Variants in MATK observed in about 807,000 individuals in gnomAD.
The protein encoded by MATK is megakaryocyte-associated tyrosine kinase.
In MATK, 41 loss-of-function variants were observed where a neutral mutation model predicts 59.8. That is an observed-to-expected ratio of 0.69 (90% CI 0.53 to 0.89). The LOEUF (loss-of-function observed/expected upper bound fraction) is 0.89. Ranked by LOEUF, MATK falls within the 40% of genes least tolerant of loss-of-function variation. The pLI is 0.00. For synonymous variants in MATK, 308 were observed against 306.1 expected (o/e 1.01, Z -0.06); for missense variants, 593 against 719.6 (o/e 0.82, Z 2.01).
Position 3,783,966 on chromosome 19 carries a change from A to G in MATK, c.430T>C (p.Phe144Leu). Residue 144 changes from phenylalanine (F) to leucine (L), a missense_variant, in exon 6 of 14, where the codon TTC becomes CTC. By Grantham distance (22) the Phe-to-Leu change is conservative. Transcript: ENST00000310132. ...QQLQPPEDGL[F>L]LVRESARHPG... Reference sequence around the variant, plus strand: ...TGGCGCGCGGACTCCCGCACCAGGAACAGCCCATCCTCGGGAGGCTGCAGC... The same window carrying G: ...TGGCGCGCGGACTCCCGCACCAGGAGCAGCCCATCCTCGGGAGGCTGCAGC... 1 of 1,612,360 alleles carries G rather than the reference A, an allele frequency of 6.2e-7. No homozygotes were observed.
intron 1 of MATK, among the ~76,000 whole-genome samples, chr19:3,792,103 T>C (rs2145112159): frequency 2.4e-5 from 1 of 42,092 alleles, no homozygotes. Context: ...TGAGACTCCA[T>C]CTTAAAAAAA....
At position 3,784,309 on chromosome 19, in the gene MATK, A is replaced by G; in HGVS notation, c.246+29T>C. 1.9e-6 allele frequency: 3 copies of G among 1,593,190 alleles called. No individual in the cohort carries two copies. In the Admixed American group the frequency reaches 5.1e-5, roughly 27 times the overall value. ...GGTCCTGGTGGAGCCCCCAGCCCCA[A>G]GCACCCACACCCGCCGGCCACCTCT... On this transcript the variant is annotated intron_variant, in intron 4 of 13. Transcript: ENST00000310132.
At chr19:3,783,009 G>A (rs2037422161) in intron 7 of MATK, 117 bp downstream of exon 7, 4 of 868,750 alleles carry the variant, frequency 4.6e-6, no homozygotes, top group Non-Finnish European at 7.4e-6. Flanking sequence ...CCCATAGCTG[G>A]GCATGGAGAC....
rs371662820 is a variant in MATK at position 3,778,438 on chromosome 19, G to T, written c.1285-16C>A. 4.3e-6 allele frequency: 7 copies of T among 1,613,370 alleles called. No individual in the cohort carries two copies. In the South Asian group the frequency reaches 7.7e-5, roughly 18 times the overall value. The stretch of plus-strand genomic sequence containing the variant: ...CTTTCAGTGACTGCGGACAGCAGGC[G>T]TGGGCAGGGGTCAGGGCCACAGCCT... On this transcript the variant is annotated splice_polypyrimidine_tract_variant and intron_variant, in intron 13 of 13. Transcript: ENST00000310132.
At chr19:3,788,188 C>A (rs1321542274), upstream of MATK, among the ~76,000 whole-genome samples, 3 of 150,648 alleles carry the variant, frequency 2.0e-5, no homozygotes, top group Non-Finnish European at 4.4e-5. Context: ...TCAATAGCAT[C>A]AACTTAATCC....
Position 3,779,422 on chromosome 19 carries a change from C to T in MATK, c.957G>A (p.Arg319=). The change falls in exon 11 of 14, where the codon CGG becomes CGA. Residue 319 remains arginine, a synonymous_variant. Transcript: ENST00000310132. ...KGNLVNFLRT[R]GRALVNTAQL... ...GAGCGGTGTTCACGAGGGCTCGACC[C>T]CGGGTCCGCAGAAAGTTCACCAGGT... 1.2e-6 allele frequency: 2 copies of T among 1,613,282 alleles called. No individual in the cohort carries two copies. Among genetic ancestry groups the T allele is most frequent in the Non-Finnish European group, 1.7e-6 (2 of 1,180,004 alleles).
chr19:3,784,972 A>T, intron 2 of MATK, 88 bp from the exon 3 acceptor site: 4 of 1,312,042 alleles, frequency 3.0e-6, no homozygotes, highest in Non-Finnish European at 4.4e-6. Context: ...GGTGGGGGCG[A>T]TGGCTGGGCA....
intron 1 of MATK, among the ~76,000 whole-genome samples, chr19:3,796,925 G>C (rs1290772248): frequency 6.6e-6 from 1 of 152,128 alleles, no homozygotes; most frequent in Admixed American, 6.6e-5. Context: ...AAGTTGTCCT[G>C]TTTCCTCATA....
Position 3,785,058 on chromosome 19 carries a change from C to G in MATK, c.72+6G>C, listed in dbSNP as rs781124180. 3.9e-5 allele frequency: 63 copies of G among 1,613,932 alleles called. No homozygotes were observed. The highest frequency in any genetic ancestry group is 5.3e-5 in the Non-Finnish European group (63 of 1,179,832). ...CCCCAAGCCCCTGTGGGGAAGTGAT[C>G]TTTACCCGGGGAAGTTCCTCAGCAG... On this transcript the variant is annotated splice_donor_region_variant and intron_variant, in intron 2 of 13. Transcript: ENST00000310132.
At chr19:3,781,511 G>A (rs2037401435) in intron 8 of MATK, 96 bp downstream of exon 8, 1 of 1,275,942 alleles carries the variant, frequency 7.8e-7, no homozygotes, top group South Asian at 1.2e-5. Flanking sequence ...ACTAGTAGGT[G>A]GTTAAGTATG....
intron 6 of MATK, 100 bp from the exon 7 acceptor site, chr19:3,783,319 G>A (rs781486718): frequency 4.2e-5 from 30 of 711,758 alleles, no homozygotes; most frequent in South Asian, 1.5e-5. Context: ...GGGTGGGACC[G>A]GGGAGGAGGA....
chr19:3,799,703 T>A (rs1319187270), intron 1 of MATK, among the ~76,000 whole-genome samples: 1 of 151,730 alleles, frequency 6.6e-6, no homozygotes, highest in African/African-American at 2.4e-5. Context: ...TAGCTGGGTG[T>A]GGTGGTGGGC....
Position 3,778,093 on chromosome 19 carries a change from G to A in MATK, c.*90C>T, listed in dbSNP as rs186794667. The A allele has an allele frequency of 1.3e-5, 19 of 1,476,654 alleles. No homozygotes were observed. In the East Asian group the frequency reaches 2.3e-4, roughly 18 times the overall value. The allele number at this position is 1,476,654 out of a possible 1,614,324, so 91.5% of individuals were successfully genotyped here. ...TGGGCACCAGGAGGATGACTTGCCC[G>A]CCTGGACCCTCCTTGGGCCTGGTCA... On this transcript the variant is annotated 3_prime_UTR_variant, in exon 14 of 14. Transcript: ENST00000310132.
chr19:3,788,419 C>T (rs1459015595), upstream of MATK, among the ~76,000 whole-genome samples: 6 of 151,488 alleles, frequency 4.0e-5, no homozygotes, highest in East Asian at 1.2e-3. Flanking sequence ...GTCAGGAGTT[C>T]GAGACCAGCC....
In MATK at chr19:3,784,147, T is replaced by A. The variant is rs143888612; in HGVS notation, c.339A>T (p.Ala113=). 4.0e-5 allele frequency: 64 copies of A among 1,612,416 alleles called. 1 individual carries two copies. In the African/African-American group the frequency reaches 7.7e-4, roughly 19 times the overall value. ...ACGGCATGAGGCTGAGCTTGGGGTC[T>A]GCGGAGAGGGCCTCCCGCTCCCGCA... ...GALREREALS[A]DPKLSLMPWF... is the part of the protein sequence containing the mutation. The change falls in exon 5 of 14, where the codon GCA becomes GCT. Residue 113 remains alanine, a synonymous_variant. Transcript: ENST00000310132.
intron 1 of MATK, among the ~76,000 whole-genome samples, chr19:3,794,278 G>A (rs990337981): frequency 3.3e-5 from 5 of 152,062 alleles, no homozygotes; most frequent in East Asian, 1.9e-4. Flanking sequence ...TGAGGGTAAC[G>A]ACCAGCCCTG....
intron 1 of MATK, among the ~76,000 whole-genome samples, chr19:3,796,749 G>A (rs1311343597): frequency 6.6e-6 from 1 of 151,990 alleles, no homozygotes; most frequent in African/African-American, 2.4e-5. Flanking sequence ...CTGTTTCTTG[G>A]TTTGGTCCCT....
At chr19:3,801,148 A>G (rs986417710) in intron 1 of MATK, among the ~76,000 whole-genome samples, 2 of 152,100 alleles carry the variant, frequency 1.3e-5, no homozygotes, top group Non-Finnish European at 2.9e-5. Flanking sequence ...ATGCTTCCTA[A>G]TGCATTTCGT....
At chr19:3,779,257 G>A (rs988809378) in intron 11 of MATK, 70 bp from the exon 12 acceptor site, 22 of 1,544,020 alleles carry the variant, frequency 1.4e-5, no homozygotes, top group South Asian at 5.8e-5. Context: ...GAAAGCTCGG[G>A]GTGCCTGGGG....
Sources: allele counts gnomAD v4.1 joint callset (sites outside exome capture counted in the v4.1 genomes callset), GRCh38; gene constraint gnomAD v4.1.1; transcripts MANE v1.5; gene names NCBI Gene and HGNC (gene_info 2026-07-23, HGNC 2026-07-21).